DEPDC1B: variants seen among roughly 807,000 people sequenced by gnomAD.
DEPDC1B encodes the protein DEP domain-containing protein 1B.
In DEPDC1B, 51 loss-of-function variants were observed where a neutral mutation model predicts 66.5. The observed-to-expected ratio is 0.77, with a 90% CI of 0.61 to 0.97. The LOEUF (loss-of-function observed/expected upper bound fraction) is 0.97. Ranked by LOEUF, DEPDC1B falls within the 50% of genes least tolerant of loss-of-function variation. DEPDC1B has a pLI of 0.00. For missense variants in DEPDC1B, 552 were observed against 637.1 expected (o/e 0.87, Z 1.44); for synonymous variants, 226 against 223.6 (o/e 1.01, Z -0.10).
At chr5:60,631,276 G>A (rs1475148432) in intron 7 of DEPDC1B, among the ~76,000 whole-genome samples, 1 of 152,172 alleles carries the variant, frequency 6.6e-6, no homozygotes, top group African/African-American at 2.4e-5. Flanking sequence ...AAAGACAATG[G>A]CAGCCTCAAG....
At chr5:60,670,655 C>T (rs1335208079) in intron 2 of DEPDC1B, among the ~76,000 whole-genome samples, 1 of 152,146 alleles carries the variant, frequency 6.6e-6, no homozygotes, top group Non-Finnish European at 1.5e-5. Context: ...TGAATTAAGT[C>T]AGAGGACTCT....
rs1752119709 is a variant in DEPDC1B, at chr5:60,597,479, C to T, written c.*274G>A. 11 of 277,386 alleles carry T rather than the reference C, an allele frequency of 4.0e-5. 1 individual carries two copies. The South Asian group carries it at 5.8e-4, about 15-fold the overall frequency. 17.2% of individuals were successfully genotyped at this position (277,386 alleles called of 1,614,324 possible). On this transcript the variant is annotated 3_prime_UTR_variant, in exon 11 of 11. Coordinates refer to ENST00000265036, the MANE Select transcript of DEPDC1B (RefSeq NM_018369.3). Reference sequence around the variant, plus strand: ...AAAAGAAAGCACAGAGATAAAAATACCCTTAAATTCTGTAGCAATTACAAA... The same window carrying T: ...AAAAGAAAGCACAGAGATAAAAATATCCTTAAATTCTGTAGCAATTACAAA...
intron 6 of DEPDC1B, among the ~76,000 whole-genome samples, chr5:60,641,106 T>A (rs1424986282): frequency 6.6e-6 from 1 of 152,168 alleles, no homozygotes; most frequent in Admixed American, 6.6e-5. Flanking sequence ...ATGAAGATCA[T>A]TAGTAATTCA....
At chr5:60,691,574 G>A (rs1022647493) in intron 1 of DEPDC1B, among the ~76,000 whole-genome samples, 9 of 151,824 alleles carry the variant, frequency 5.9e-5, no homozygotes, top group South Asian at 2.1e-4. Context: ...AAGCCACTGA[G>A]TAGGATAAGA....
At chr5:60,630,178 A>C (rs554334448) in intron 7 of DEPDC1B, among the ~76,000 whole-genome samples, 1 of 152,324 alleles carries the variant, frequency 6.6e-6, no homozygotes, top group East Asian at 1.9e-4. Context: ...CAGTTTTCTC[A>C]AAATGGTTTA....
intron 2 of DEPDC1B, among the ~76,000 whole-genome samples, chr5:60,667,678 CATGTATAT>C: frequency 7.5e-6 from 1 of 133,644 alleles, no homozygotes; most frequent in African/African-American, 2.8e-5. Context: ...GGATATTTTA[CATGTATAT>C]AATGGATATT....
chr5:60,612,153 T>C (rs572493336), intron 7 of DEPDC1B, among the ~76,000 whole-genome samples: 4 of 152,276 alleles, frequency 2.6e-5, no homozygotes, highest in Non-Finnish European at 4.4e-5. Context: ...CTGGGTGCAG[T>C]GGCTTATGCC....
chr5:60,603,641 A>C (rs1002741010), intron 8 of DEPDC1B, 74 bp from the exon 9 acceptor site: 2 of 1,442,684 alleles, frequency 1.4e-6, no homozygotes, highest in Non-Finnish European at 1.8e-6. Context: ...AATTTGCAAA[A>C]GGCAAATATG....
chr5:60,700,116 C>A lies in DEPDC1B; in HGVS notation c.-23G>T, dbSNP rs773294265. 10 of 1,541,210 alleles carry A rather than the reference C, an allele frequency of 6.5e-6. No individual in the cohort carries two copies. Among genetic ancestry groups the A allele is most frequent in the Non-Finnish European group, 1.7e-6 (2 of 1,146,058 alleles). ...CATGGCGCGTAGGCAGCAGCGGCCG[C>A]AGCCGCGCCAGCGCTGATCCCCGCC... is the stretch of plus-strand genomic sequence containing the variant. On this transcript the variant is annotated 5_prime_UTR_variant, in exon 1 of 11. Coordinates refer to ENST00000265036, the MANE Select transcript of DEPDC1B (RefSeq NM_018369.3).
At chr5:60,649,045 C>T (rs1159830868) in intron 2 of DEPDC1B, among the ~76,000 whole-genome samples, 3 of 152,108 alleles carry the variant, frequency 2.0e-5, no homozygotes, top group African/African-American at 2.4e-5. Context: ...CAAAACTAAA[C>T]GCAATCCCTA....
At chr5:60,615,056 C>T (rs912448542) in intron 7 of DEPDC1B, among the ~76,000 whole-genome samples, 4 of 152,008 alleles carry the variant, frequency 2.6e-5, no homozygotes, top group African/African-American at 9.7e-5. Flanking sequence ...AGAACAAAAC[C>T]ACCACTGCAG....
At chr5:60,634,675 A>AAATAAATAAAT (rs1753001256) in intron 7 of DEPDC1B, among the ~76,000 whole-genome samples, 1 of 146,458 alleles carries the variant, frequency 6.8e-6, no homozygotes, top group Non-Finnish European at 1.5e-5. Flanking sequence ...CTGTCTCAAA[A>AAATAAATAAAT]AAATAAATAA....
At chr5:60,608,128 A>G (rs1752347542) in intron 7 of DEPDC1B, among the ~76,000 whole-genome samples, 1 of 152,206 alleles carries the variant, frequency 6.6e-6, no homozygotes, top group African/African-American at 2.4e-5. Flanking sequence ...CAGTATGCTG[A>G]TGGTCTGAAT....
At position 60,596,949 on chromosome 5, in the gene DEPDC1B, C is replaced by T. The variant is rs571545768; in HGVS notation, c.*804G>A. ...AAAAAATAAGTTTATTTACATTTCA[C>T]TTACTTTCAAAAGGATGAAAATATA... On this transcript the variant is annotated 3_prime_UTR_variant, in exon 11 of 11. Coordinates refer to ENST00000265036, the MANE Select transcript of DEPDC1B (RefSeq NM_018369.3). 13 of 152,676 alleles carry T rather than the reference C, an allele frequency of 8.5e-5. No homozygotes were observed. The highest frequency in any genetic ancestry group is 2.6e-4 in the African/African-American group (11 of 41,542). The allele number at this position is 152,676 out of a possible 1,614,324, so 9.5% of individuals were successfully genotyped here. A position where few individuals can be genotyped will look rare whatever the true frequency, so the allele number is the denominator to read the frequency against.
chr5:60,676,772 C>A (rs1754172137), intron 2 of DEPDC1B, among the ~76,000 whole-genome samples: 1 of 152,160 alleles, frequency 6.6e-6, no homozygotes, highest in South Asian at 2.1e-4. Flanking sequence ...CCATCCCCCT[C>A]CCGTTCCATA....
chr5:60,629,845 T>C (rs941873736), intron 7 of DEPDC1B, among the ~76,000 whole-genome samples: 2 of 152,246 alleles, frequency 1.3e-5, no homozygotes, highest in Non-Finnish European at 2.9e-5. Flanking sequence ...TTCATTCTTT[T>C]CTTTCCTATG....
chr5:60,664,585 T>G (rs543801874), intron 2 of DEPDC1B, among the ~76,000 whole-genome samples: 90 of 152,304 alleles, frequency 5.9e-4, no homozygotes, highest in African/African-American at 2.1e-3. Flanking sequence ...CCTACGCTGC[T>G]CGAGGGGACC....
chr5:60,669,585 T>A (rs574136573), intron 2 of DEPDC1B, among the ~76,000 whole-genome samples: 2 of 152,164 alleles, frequency 1.3e-5, no homozygotes, highest in African/African-American at 4.8e-5. Flanking sequence ...GTGGTATATA[T>A]CACCTAAATG....
intron 2 of DEPDC1B, among the ~76,000 whole-genome samples, chr5:60,675,596 A>G (rs1754135329): frequency 1.3e-5 from 2 of 152,256 alleles, no homozygotes; most frequent in Admixed American, 6.5e-5. Context: ...AGATTAATGA[A>G]CAATATGTTT....
Sources: allele counts gnomAD v4.1 joint callset (sites outside exome capture counted in the v4.1 genomes callset), GRCh38; gene constraint gnomAD v4.1.1; transcripts MANE v1.5; gene names NCBI Gene and HGNC (gene_info 2026-07-23, HGNC 2026-07-21).